The following MYO1F variants were observed in gnomAD, a reference collection of about 807,000 sequenced individuals.
MYO1F encodes the protein unconventional myosin-If.
In MYO1F, 60 loss-of-function variants were observed where a neutral mutation model predicts 146.6. That is an observed-to-expected ratio of 0.41 (90% CI 0.33 to 0.51). MYO1F has a LOEUF of 0.51. Among genes scored for constraint, MYO1F ranks in the 20% least tolerant of loss-of-function variants. The pLI is 0.25. For synonymous variants in MYO1F, 602 were observed against 602.1 expected, an observed-to-expected ratio of 1.00 and a Z score of 0.00; for missense variants, 1,274 against 1,534.3, an observed-to-expected ratio of 0.83 and a Z score of 2.83.
At chr19:8,565,144 A>G (rs903130804) in intron 1 of MYO1F, among the ~76,000 whole-genome samples, 1 of 151,716 alleles carries the variant, frequency 6.6e-6, no homozygotes, top group Non-Finnish European at 1.5e-5. Context: ...TGATCCACCC[A>G]CCTCAGCCTC....
At chr19:8,551,943 C>T (rs761874596) in intron 7 of MYO1F, 69 bp from the exon 8 acceptor site, 3 of 1,613,926 alleles carry the variant, frequency 1.9e-6, no homozygotes, top group African/African-American at 1.3e-5. Flanking sequence ...CTCATCTGCC[C>T]TGCCATGCCC....
intron 19 of MYO1F, 75 bp downstream of exon 19, chr19:8,536,177 C>G: frequency 6.4e-7 from 1 of 1,551,030 alleles, no homozygotes; most frequent in Non-Finnish European, 8.8e-7. Context: ...GTCTCTCTCT[C>G]TCTCTCTCAG....
In MYO1F at chr19:8,547,640, G is replaced by A. The variant is rs546723257; in HGVS notation, c.1269+396C>T. 4.6e-5 allele frequency among the ~76,000 whole-genome samples: 7 copies of A among 150,826 alleles called. No homozygotes were observed. The South Asian group carries it at 1.5e-3, about 32-fold the overall frequency. On this transcript the variant is annotated intron_variant, in intron 12 of 27. Transcript: ENST00000644032. ...AAAAAATCCCTGACTTACTTCCTCA[G>A]TCTCCTCTTGGAGCTTCCTGGGATT...
At chr19:8,536,101 C>T (rs1231583043) in intron 19 of MYO1F, 151 bp downstream of exon 19, 1 of 1,025,078 alleles carries the variant, frequency 9.8e-7, no homozygotes. Context: ...CTGTCAATCC[C>T]TCTCTCTCAA....
At chr19:8,573,708 G>A (rs1555732532) in intron 1 of MYO1F, among the ~76,000 whole-genome samples, 1 of 152,100 alleles carries the variant, frequency 6.6e-6, no homozygotes, top group East Asian at 1.9e-4. Flanking sequence ...AAATTAGCTG[G>A]GTGTGGTGGC....
intron 10 of MYO1F, among the ~76,000 whole-genome samples, chr19:8,548,587 A>G (rs544493797): frequency 4.2e-5 from 6 of 143,398 alleles, no homozygotes; most frequent in African/African-American, 1.6e-4. Context: ...CTGCACCTCT[A>G]TTTTCTTTTT....
chr19:8,526,592 A>C lies in MYO1F; in HGVS notation c.2631T>G (p.Phe877Leu). The C allele has an allele frequency of 6.3e-7, 1 of 1,596,296 alleles. No homozygotes were observed. Among genetic ancestry groups the C allele is most frequent in the Non-Finnish European group, 8.5e-7 (1 of 1,173,682 alleles). The change falls in exon 24 of 28, where the codon TTT becomes TTG. Residue 877 changes from phenylalanine to leucine, a missense_variant. Physicochemically the swap from Phe to Leu is conservative, Grantham distance 22. Transcript: ENST00000644032. ...LPLTFSDTLQ[F>L]RVKKEGWGGG... ...CGCCCCAGCCCTCCTTCTTCACCCG[A>C]AACTGTAGTCTATGGGGAGAGAAGA...
Position 8,561,410 on chromosome 19 carries a change from TCTCCCTCCCTTCCTTTCTC to T in MYO1F, c.4-5633_4-5615del, listed in dbSNP as rs1568368809. ...CCTTCTTTCCTTCCTTCCTTTCTCC[TCTCCCTCCCTTCCTTTCTC>T]CTCTCCCTCCCTTCCTTCCTCCCTC... On this transcript the variant is annotated intron_variant, in intron 1 of 27. Coordinates refer to ENST00000644032, the MANE Select transcript of MYO1F (RefSeq NM_012335.4). Among the ~76,000 whole-genome samples, 38 of 45,870 alleles carry T rather than the reference TCTCCCTCCCTTCCTTTCTC, an allele frequency of 8.3e-4. No individual in the cohort carries two copies. The East Asian group carries it at 0.075, about 91-fold the overall frequency. The allele number at this position is 45,870 out of a possible 152,430, so 30.1% of individuals were successfully genotyped here. A position where few individuals can be genotyped will look rare whatever the true frequency, so the allele number is the denominator to read the frequency against.
intron 12 of MYO1F, 36 bp from the exon 13 acceptor site, chr19:8,545,772 GA>G: frequency 6.5e-7 from 1 of 1,528,438 alleles, no homozygotes; most frequent in Non-Finnish European, 9.1e-7. Flanking sequence ...GGGGGCCAGT[GA>G]AAAAGTTGTG....
At chr19:8,541,861 C>CT in intron 15 of MYO1F, 45 bp downstream of exon 15, 3 of 1,563,376 alleles carry the variant, frequency 1.9e-6, no homozygotes, top group Non-Finnish European at 2.6e-6. Flanking sequence ...CCTCCATCCC[C>CT]TTGGGGGGTT....
intron 22 of MYO1F, 88 bp from the exon 23 acceptor site, chr19:8,527,023 T>G (rs1972301226): frequency 6.4e-7 from 1 of 1,551,008 alleles, no homozygotes. Flanking sequence ...AAGGTGGATT[T>G]AGGGAAGGGT....
At chr19:8,523,002 C>T (rs1197902829) in intron 25 of MYO1F, among the ~76,000 whole-genome samples, 173 bp from the exon 26 acceptor site, 1 of 150,976 alleles carries the variant, frequency 6.6e-6, no homozygotes. Flanking sequence ...TAGACAGAAG[C>T]TTTTTTAAGC....
chr19:8,559,522 G>A (rs1196823453), intron 1 of MYO1F, among the ~76,000 whole-genome samples: 1 of 152,036 alleles, frequency 6.6e-6, no homozygotes. Context: ...TCTATAAAAA[G>A]GAAGAGGCAG....
chr19:8,531,355 GAA>G (rs1324000176), intron 19 of MYO1F, among the ~76,000 whole-genome samples: 1 of 151,872 alleles, frequency 6.6e-6, no homozygotes, highest in African/African-American at 2.4e-5. Context: ...CTCAAAAAAA[GAA>G]AAAAAGAAAA....
chr19:8,536,894 G>C (rs1443740748), intron 17 of MYO1F, 55 bp downstream of exon 17: 1 of 1,250,962 alleles, frequency 8.0e-7, no homozygotes, highest in African/African-American at 1.5e-5. Context: ...GTCAGTTCTA[G>C]GGGTAACTGC....
chr19:8,522,240 T>G (rs1429421749), intron 27 of MYO1F, 137 bp downstream of exon 27: 1 of 1,081,378 alleles, frequency 9.2e-7, no homozygotes, highest in Non-Finnish European at 1.4e-6. Context: ...GCCAGGATGG[T>G]CTCGATCTCC....
intron 8 of MYO1F, 110 bp from the exon 9 acceptor site, chr19:8,550,804 G>T: frequency 6.8e-7 from 1 of 1,462,282 alleles, no homozygotes; most frequent in Non-Finnish European, 9.4e-7. Flanking sequence ...GCACCCTTGG[G>T]TCCCTGTCCT....
intron 1 of MYO1F, among the ~76,000 whole-genome samples, chr19:8,571,893 A>G (rs1246365080): frequency 7.3e-5 from 11 of 149,824 alleles, no homozygotes; most frequent in African/African-American, 2.7e-4. Context: ...CACCGCGCCC[A>G]GCCCCTGTAT....
Position 8,541,912 on chromosome 19 carries a change from C to T in MYO1F, c.1604G>A (p.Ser535Asn). 1 of 1,613,448 alleles carries T rather than the reference C, an allele frequency of 6.2e-7. No homozygotes were observed. Among genetic ancestry groups the T allele is most frequent in the Non-Finnish European group, 8.5e-7 (1 of 1,179,806 alleles). The change falls in exon 15 of 28, where the codon AGT becomes AAT. Residue 535 changes from serine to asparagine, a missense_variant. Coordinates refer to ENST00000644032, the MANE Select transcript of MYO1F (RefSeq NM_012335.4). ...FSDLIELMQT[S>N]EQAFLRMLFP... ...CATGCCTGGGACCACTCACTGCTCACTGGTCTGCATCAGCTCTATGAGGTC... is the reference window on the plus strand; with the variant it reads ...CATGCCTGGGACCACTCACTGCTCATTGGTCTGCATCAGCTCTATGAGGTC...
Sources: gnomAD v4.1 joint callset for allele counts (sites outside exome capture counted in the v4.1 genomes callset) on GRCh38, gnomAD v4.1.1 for gene constraint, MANE v1.5 for transcripts, NCBI Gene and HGNC (gene_info 2026-07-23, HGNC 2026-07-21) for gene names.